The following SYCE3 variants were observed in gnomAD, a reference collection of about 807,000 sequenced individuals.
SYCE3 encodes the protein synaptonemal complex central element protein 3.
A neutral mutation model predicts 8.1 loss-of-function variants in SYCE3; 3 were observed. The observed-to-expected ratio is 0.37, with a 90% CI of 0.17 to 0.96. The LOEUF (loss-of-function observed/expected upper bound fraction) is 0.96. Among genes scored for constraint, SYCE3 ranks in the 40% least tolerant of loss-of-function variants. The pLI is 0.41. For missense variants in SYCE3, 83 were observed against 110.0 expected, an observed-to-expected ratio of 0.75 and a Z score of 1.10; for synonymous variants, 36 against 38.7, an observed-to-expected ratio of 0.93 and a Z score of 0.26.
intron 1 of SYCE3, among the ~76,000 whole-genome samples, chr22:50,561,696 C>T (rs1023206057): frequency 6.6e-6 from 1 of 151,758 alleles, no homozygotes; most frequent in Non-Finnish European, 1.5e-5. Flanking sequence ...GTCTGGGATC[C>T]CTCTGAGAAC....
intron 1 of SYCE3, among the ~76,000 whole-genome samples, chr22:50,561,112 T>C (rs1188483295): frequency 6.6e-6 from 1 of 151,936 alleles, no homozygotes. Flanking sequence ...TAAACATACA[T>C]GCAGTGGATG....
chr22:50,558,194 T>G (rs2069879234), intron 1 of SYCE3, among the ~76,000 whole-genome samples: 1 of 152,006 alleles, frequency 6.6e-6, no homozygotes, highest in South Asian at 2.1e-4. Flanking sequence ...GAGGCCGAGG[T>G]GGGTGGATCA....
intron 1 of SYCE3, 108 bp from the exon 2 acceptor site, chr22:50,556,513 C>A: frequency 1.3e-6 from 1 of 771,800 alleles, no homozygotes; most frequent in Non-Finnish European, 2.1e-6. Flanking sequence ...CCCCATCTCT[C>A]AGATTCAGAC....
intron 2 of SYCE3, among the ~76,000 whole-genome samples, chr22:50,554,712 A>T (rs1202809847): frequency 6.8e-6 from 1 of 146,962 alleles, no homozygotes; most frequent in Non-Finnish European, 1.5e-5. Flanking sequence ...AAAAAAAAAA[A>T]GGCCAGGCGC....
chr22:50,557,009 C>G (rs2069866287), intron 1 of SYCE3, among the ~76,000 whole-genome samples: 1 of 152,116 alleles, frequency 6.6e-6, no homozygotes, highest in Non-Finnish European at 1.5e-5. Context: ...GAAGAATTCT[C>G]CTGGGCATTA....
Position 50,551,195 on chromosome 22 carries a change from T to C in SYCE3, c.*50A>G. On this transcript the variant is annotated 3_prime_UTR_variant, in exon 3 of 3. Transcript: ENST00000406915. ...GTGCCAGCTCCATCCCCCAGTGACC[T>C]CTTCATACGGGCAGAGGGTGGCATG... The C allele has an allele frequency of 6.5e-7, 1 of 1,541,824 alleles. No individual in the cohort carries two copies. Among genetic ancestry groups the C allele is most frequent in the Non-Finnish European group, 8.8e-7 (1 of 1,140,308 alleles).
At chr22:50,553,633 A>G (rs531115939) in intron 2 of SYCE3, among the ~76,000 whole-genome samples, 1 of 152,244 alleles carries the variant, frequency 6.6e-6, no homozygotes, top group South Asian at 2.1e-4. Context: ...CCCAGGCTGC[A>G]GTGCAATGGT....
intron 1 of SYCE3, among the ~76,000 whole-genome samples, chr22:50,559,702 G>A (rs182320701): frequency 3.9e-5 from 6 of 152,194 alleles, no homozygotes; most frequent in East Asian, 3.9e-4. Flanking sequence ...AGGCAGAGGC[G>A]GGGGATCACA....
At chr22:50,561,893 G>A (rs1430703195) in intron 1 of SYCE3, among the ~76,000 whole-genome samples, 1 of 148,764 alleles carries the variant, frequency 6.7e-6, no homozygotes, top group Non-Finnish European at 1.5e-5. Flanking sequence ...GGAACTTGGG[G>A]TGTGAGGTGG....
intron 2 of SYCE3, 129 bp from the exon 3 acceptor site, chr22:50,551,531 A>G: frequency 1.0e-6 from 1 of 956,280 alleles, no homozygotes; most frequent in South Asian, 1.8e-5. Flanking sequence ...GCACCCAATT[A>G]CTCTAGGGAG....
At chr22:50,551,445 T>G in intron 2 of SYCE3, 43 bp from the exon 3 acceptor site, 1 of 1,526,580 alleles carries the variant, frequency 6.6e-7, no homozygotes, top group Non-Finnish European at 8.8e-7. Flanking sequence ...AGGGAGGGGC[T>G]GCAGCTCTGG....
At chr22:50,554,151 T>C (rs180777955) in intron 2 of SYCE3, among the ~76,000 whole-genome samples, 12,270 of 148,458 alleles carry the variant, frequency 0.083, 1,097 homozygotes, top group African/African-American at 0.22. Flanking sequence ...GCCGAGATTG[T>C]GCCACTGCAC....
intron 1 of SYCE3, among the ~76,000 whole-genome samples, chr22:50,561,907 G>T (rs1459543777): frequency 6.7e-6 from 1 of 148,186 alleles, no homozygotes; most frequent in African/African-American, 2.5e-5. Flanking sequence ...GAGGTGGTGT[G>T]TGGACTCCGG....
chr22:50,560,304 G>A (rs974058814), intron 1 of SYCE3, among the ~76,000 whole-genome samples: 25 of 152,134 alleles, frequency 1.6e-4, no homozygotes, highest in Non-Finnish European at 3.4e-4. Context: ...TTTCAGACCA[G>A]CCCGGGCAAC....
intron 1 of SYCE3, among the ~76,000 whole-genome samples, chr22:50,557,363 C>T (rs1456014790): frequency 1.3e-5 from 2 of 151,978 alleles, no homozygotes; most frequent in Non-Finnish European, 2.9e-5. Context: ...TCCATGTTGG[C>T]CAGGCTGGTC....
intron 1 of SYCE3, among the ~76,000 whole-genome samples, chr22:50,561,138 C>T (rs1043821767): frequency 6.6e-6 from 1 of 152,026 alleles, no homozygotes; most frequent in Non-Finnish European, 1.5e-5. Context: ...GGTAAGGACA[C>T]TGAGAGCACA....
intron 2 of SYCE3, 41 bp from the exon 3 acceptor site, chr22:50,551,443 G>A: frequency 6.5e-7 from 1 of 1,527,984 alleles, no homozygotes; most frequent in Admixed American, 2.0e-5. Context: ...ACAGGGAGGG[G>A]CTGCAGCTCT....
chr22:50,551,443 G>T, intron 2 of SYCE3, 41 bp from the exon 3 acceptor site: 1 of 1,527,984 alleles, frequency 6.5e-7, no homozygotes, highest in Non-Finnish European at 8.8e-7. Context: ...ACAGGGAGGG[G>T]CTGCAGCTCT....
intron 2 of SYCE3, among the ~76,000 whole-genome samples, chr22:50,554,126 C>G (rs555243080): frequency 0.082 from 12,326 of 149,542 alleles, 1,128 homozygotes; most frequent in African/African-American, 0.23. Flanking sequence ...ACCCGGGAGG[C>G]AGAGCTTGCA....
Sources: allele counts gnomAD v4.1 joint callset (sites outside exome capture counted in the v4.1 genomes callset), GRCh38; gene constraint gnomAD v4.1.1; transcripts MANE v1.5; gene names NCBI Gene and HGNC (gene_info 2026-07-23, HGNC 2026-07-21).